Variants in RHBDD1 observed in about 807,000 individuals in gnomAD.
RHBDD1 encodes the protein rhomboid domain containing 1.
Under a neutral mutation model 36.3 loss-of-function variants are expected in RHBDD1, and 38 were observed. The ratio of observed to expected loss-of-function variants is 1.05; its 90% CI spans 0.81 to 1.37. The LOEUF (loss-of-function observed/expected upper bound fraction) is 1.37. RHBDD1 is among the 40% of genes most tolerant of loss of function. The pLI, the probability that RHBDD1 is intolerant of heterozygous loss-of-function variation, is 0.00. For missense variants in RHBDD1, 393 were observed against 377.6 expected, an observed-to-expected ratio of 1.04 and a Z score of -0.34; for synonymous variants, 151 against 136.5, an observed-to-expected ratio of 1.11 and a Z score of -0.74.
At chr2:226,913,435 C>CTCT (rs1948659208) in intron 7 of RHBDD1, among the ~76,000 whole-genome samples, 1 of 152,194 alleles carries the variant, frequency 6.6e-6, no homozygotes, top group African/African-American at 2.4e-5. Context: ...CAAACAAATT[C>CTCT]TCTAACTATT....
At chr2:226,959,938 T>G (rs1473224545) in intron 8 of RHBDD1, among the ~76,000 whole-genome samples, 1 of 152,188 alleles carries the variant, frequency 6.6e-6, no homozygotes, top group African/African-American at 2.4e-5. Flanking sequence ...TTCTCCTGCC[T>G]CAGCCTCCCG....
At chr2:226,903,004 G>A (rs1395187695) in intron 5 of RHBDD1, among the ~76,000 whole-genome samples, 1 of 152,106 alleles carries the variant, frequency 6.6e-6, no homozygotes, top group Admixed American at 6.5e-5. Context: ...TCACCATGAA[G>A]GTTGATTTGA....
At chr2:226,953,150 T>C (rs1415522199) in intron 8 of RHBDD1, among the ~76,000 whole-genome samples, 1 of 152,248 alleles carries the variant, frequency 6.6e-6, no homozygotes. Flanking sequence ...CGGTGAATTT[T>C]AATGATTACT....
intron 8 of RHBDD1, among the ~76,000 whole-genome samples, chr2:226,926,410 C>T (rs1005419450): frequency 1.3e-5 from 2 of 152,024 alleles, no homozygotes; most frequent in African/African-American, 4.8e-5. Context: ...TTGATTATTT[C>T]TTTTTAATAT....
At chr2:226,948,580 A>AAT (rs1559302867) in intron 8 of RHBDD1, among the ~76,000 whole-genome samples, 1 of 113,702 alleles carries the variant, frequency 8.8e-6, no homozygotes, top group Non-Finnish European at 1.8e-5. Context: ...AAAAAAAAAA[A>AAT]AAAAACGAAA....
intron 8 of RHBDD1, among the ~76,000 whole-genome samples, chr2:226,926,762 A>T (rs1409152117): frequency 6.6e-6 from 1 of 152,218 alleles, no homozygotes; most frequent in Admixed American, 6.5e-5. Context: ...TGCAAGTTCC[A>T]CATGAAGTGA....
chr2:226,829,454 TAAG>T, the RHBDD1 span, among the ~76,000 whole-genome samples: 140 of 152,332 alleles, frequency 9.2e-4, no homozygotes, highest in African/African-American at 2.7e-3. Context: ...TAGGTTAATT[TAAG>T]AAGGAGTGTC....
chr2:226,829,753 A>G, the RHBDD1 span, among the ~76,000 whole-genome samples: 1 of 151,920 alleles, frequency 6.6e-6, no homozygotes, highest in African/African-American at 2.4e-5. Flanking sequence ...GTGCGTGTGT[A>G]TGTATGTGTG....
At chr2:226,812,726 G>GT in the RHBDD1 span, among the ~76,000 whole-genome samples, 1 of 151,908 alleles carries the variant, frequency 6.6e-6, no homozygotes, top group Middle Eastern at 3.4e-3. Context: ...CTTTGCAATA[G>GT]TTTTTTTCTG....
chr2:226,992,383 G>A lies in RHBDD1; in HGVS notation c.857-3048G>A, dbSNP rs571634738. 2.0e-5 allele frequency among the ~76,000 whole-genome samples: 3 copies of A among 152,256 alleles called. No individual in the cohort carries two copies. The South Asian group carries it at 6.2e-4, about 32-fold the overall frequency. ...TCAAAACAGTGTAGTTTTCAGAGTT[G>A]GAAACAAAGCAATTCGGCCATTCTT... On this transcript the variant is annotated intron_variant, in intron 8 of 8. Transcript: ENST00000392062.
chr2:226,962,533 A>G (rs1317613100), intron 8 of RHBDD1, among the ~76,000 whole-genome samples: 1 of 152,234 alleles, frequency 6.6e-6, no homozygotes, highest in African/African-American at 2.4e-5. Context: ...ATATCTGTAT[A>G]TGGGCAAAAG....
intron 5 of RHBDD1, among the ~76,000 whole-genome samples, chr2:226,892,501 G>A (rs146229441): frequency 5.9e-5 from 9 of 152,302 alleles, no homozygotes; most frequent in Non-Finnish European, 8.8e-5. Context: ...CTGACTTGAG[G>A]TATCAGGTTT....
Position 226,908,884 on chromosome 2 carries a change from C to G in RHBDD1, c.712+6C>G, listed in dbSNP as rs775714337. ...ATACTACTTTAATAGTTCAGGTAGG[C>G]ACTGTATTTCATTTAATAAATTTTA... On this transcript the variant is annotated splice_donor_region_variant and intron_variant, in intron 7 of 8. Transcript: ENST00000392062. 6.4e-7 allele frequency: 1 copy of G among 1,554,518 alleles called. No individual in the cohort carries two copies. Among genetic ancestry groups the G allele is most frequent in the Non-Finnish European group, 8.9e-7 (1 of 1,127,478 alleles).
At chr2:226,821,843 ATC>A in the RHBDD1 span, among the ~76,000 whole-genome samples, 1 of 152,070 alleles carries the variant, frequency 6.6e-6, no homozygotes, top group African/African-American at 2.4e-5. Flanking sequence ...TCATATTTTA[ATC>A]TTTTTGTCAT....
At chr2:226,885,311 C>T (rs972596479) in intron 5 of RHBDD1, among the ~76,000 whole-genome samples, 8 of 152,140 alleles carry the variant, frequency 5.3e-5, no homozygotes, top group East Asian at 1.9e-4. Flanking sequence ...CCCTTTGATT[C>T]AATAATTAGC....
intron 8 of RHBDD1, among the ~76,000 whole-genome samples, chr2:226,976,871 A>G (rs889856120): frequency 6.6e-6 from 1 of 152,124 alleles, no homozygotes; most frequent in Non-Finnish European, 1.5e-5. Flanking sequence ...ACTTGGTGGC[A>G]TTTTATATAT....
chr2:226,988,560 G>T, intron 8 of RHBDD1: 1 of 1,390,698 alleles, frequency 7.2e-7, no homozygotes. Context: ...CTGCGGACTG[G>T]TGTGGAATCT....
intron 8 of RHBDD1, chr2:226,988,857 C>T: frequency 4.0e-6 from 1 of 246,974 alleles, no homozygotes; most frequent in South Asian, 1.5e-4. Flanking sequence ...TATTGCCAAA[C>T]CTTACTCCTT....
chr2:226,859,159 C>G (rs537326658), intron 3 of RHBDD1, among the ~76,000 whole-genome samples: 187 of 152,256 alleles, frequency 1.2e-3, no homozygotes, highest in Admixed American at 3.5e-3. Context: ...ATACACTAAT[C>G]TTGAGTCATT....
Sources: allele counts gnomAD v4.1 joint callset (sites outside exome capture counted in the v4.1 genomes callset), GRCh38; gene constraint gnomAD v4.1.1; transcripts MANE v1.5; gene names NCBI Gene and HGNC (gene_info 2026-07-23, HGNC 2026-07-21).